COMMD8: variants seen among roughly 807,000 people sequenced by gnomAD.
COMMD8 encodes COMM domain-containing protein 8.
COMMD8 carries 28 observed loss-of-function variants against 27.2 expected under a neutral mutation model. That is an observed-to-expected ratio of 1.03 (90% confidence interval 0.76 to 1.41). The LOEUF is 1.41. COMMD8 is among the 40% of genes most tolerant of loss of function. COMMD8 has a pLI of 0.00. For missense variants in COMMD8, 217 were observed against 211.2 expected, an observed-to-expected ratio of 1.03 and a Z score of -0.17; for synonymous variants, 79 against 75.5, an observed-to-expected ratio of 1.05 and a Z score of -0.24.
In COMMD8 at chr4:47,460,170, C is replaced by T. The variant is rs775597717; in HGVS notation, c.196G>A (p.Val66Ile). ...EDIAKFFKAI[V>I]GKNLPDEEIF... Reference sequence around the variant, plus strand: ...TCTTCATCAGGTAAGTTTTTACCAACTATGGCTTTGAAAAATTTGGCAATA... The same window carrying T: ...TCTTCATCAGGTAAGTTTTTACCAATTATGGCTTTGAAAAATTTGGCAATA... The change falls in exon 2 of 5, where the codon GTT becomes ATT. Residue 66 changes from valine (V) to isoleucine (I), a missense_variant. By Grantham distance (29) the Val-to-Ile change is conservative (BLOSUM62 3). Coordinates refer to ENST00000381571, the MANE Select transcript of COMMD8 (RefSeq NM_017845.5). 6.2e-7 allele frequency: 1 copy of T among 1,613,582 alleles called. No individual in the cohort carries two copies. Among genetic ancestry groups the T allele is most frequent in the South Asian group, 1.1e-5 (1 of 91,034 alleles).
rs561192575 is a variant in COMMD8, at chr4:47,463,252, T to C, written c.66+334A>G. ...AGCTCTGTACCTGCTGTCCGGTAGG[T>C]AGGGAGCCTTTGGGAGGTTATGTGT... On this transcript the variant is annotated intron_variant, in intron 1 of 4. Transcript: ENST00000381571. 1.1e-4 allele frequency among the ~76,000 whole-genome samples: 16 copies of C among 152,296 alleles called. No individual in the cohort carries two copies. The South Asian group carries it at 3.1e-3, about 30-fold the overall frequency.
At chr4:47,455,956 T>C (rs891621071) in intron 3 of COMMD8, among the ~76,000 whole-genome samples, 1 of 152,072 alleles carries the variant, frequency 6.6e-6, no homozygotes, top group Non-Finnish European at 1.5e-5. Flanking sequence ...TGGTCAAAAA[T>C]ATATATTGAC....
Position 47,451,657 on chromosome 4 carries a change from C to G in COMMD8, c.540G>C (p.Leu180=). ...TCATCATTTCCAGTTATTTCAACTG[C>G]AGGACCACCTTAAAACACAAATTGA... ...QSLEAANKVV[L]QLK is the part of the protein sequence containing the mutation. The change falls in exon 5 of 5, where the codon CTG becomes CTC. Residue 180 remains leucine, a synonymous_variant. Transcript: ENST00000381571. 6.3e-7 allele frequency: 1 copy of G among 1,581,866 alleles called. No individual in the cohort carries two copies. Among genetic ancestry groups the G allele is most frequent in the Non-Finnish European group, 8.6e-7 (1 of 1,168,038 alleles).
intron 4 of COMMD8, among the ~76,000 whole-genome samples, chr4:47,452,240 T>C (rs920001492): frequency 1.3e-5 from 2 of 152,250 alleles, no homozygotes; most frequent in African/African-American, 2.4e-5. Flanking sequence ...AGCCACTCCA[T>C]TGTAAATGTG....
In COMMD8 at chr4:47,451,606, G is replaced by C. The variant is rs779089066; in HGVS notation, c.*39C>G. On this transcript the variant is annotated 3_prime_UTR_variant, in exon 5 of 5. Transcript: ENST00000381571. ...TATTCACTCTGCCATATAAGTTGGA[G>C]CAATAAAATCTGATAGGACTGGTAT... 1 of 1,551,038 alleles carries C rather than the reference G, an allele frequency of 6.4e-7. No individual in the cohort carries two copies. Among genetic ancestry groups the C allele is most frequent in the Non-Finnish European group, 8.9e-7 (1 of 1,129,844 alleles).
intron 4 of COMMD8, 54 bp downstream of exon 4, chr4:47,453,005 A>G (rs757460706): frequency 1.5e-5 from 23 of 1,509,272 alleles, no homozygotes; most frequent in Non-Finnish European, 2.1e-5. Flanking sequence ...GCAAACAAAA[A>G]AAAACCCCAA....
In COMMD8 at chr4:47,456,611, G is replaced by A; in HGVS notation, c.341C>T (p.Ser114Phe). The change falls in exon 3 of 5, where the codon TCT (serine) becomes TTT (phenylalanine). Residue 114 changes from serine (S) to phenylalanine (F), a missense_variant. Ser to Phe is a radical substitution (Grantham distance 155, BLOSUM62 -2). Coordinates refer to ENST00000381571, the MANE Select transcript of COMMD8 (RefSeq NM_017845.5). ...ALSREIVAIS[S>F]AQLQDFDWQV... is the part of the protein sequence containing the mutation. ...CCAATCAAAATCCTGTAGCTGTGCA[G>A]AGGAAATAGCAACTATTTCTCTTGA... 1.9e-6 allele frequency: 3 copies of A among 1,609,342 alleles called. No individual in the cohort carries two copies. Among genetic ancestry groups the A allele is most frequent in the Non-Finnish European group, 2.5e-6 (3 of 1,178,204 alleles).
At chr4:47,455,939 A>T (rs935700685) in intron 3 of COMMD8, among the ~76,000 whole-genome samples, 1 of 152,152 alleles carries the variant, frequency 6.6e-6, no homozygotes, top group East Asian at 1.9e-4. Flanking sequence ...TAAAGTCTAG[A>T]AAGTTGTGGT....
intron 2 of COMMD8, among the ~76,000 whole-genome samples, chr4:47,457,150 C>A (rs991260282): frequency 2.0e-5 from 3 of 152,094 alleles, no homozygotes; most frequent in African/African-American, 7.2e-5. Flanking sequence ...TCAAAAAAAT[C>A]CGAAATCCAA....
intron 2 of COMMD8, among the ~76,000 whole-genome samples, chr4:47,458,734 G>A (rs1729951203): frequency 6.6e-6 from 1 of 151,982 alleles, no homozygotes; most frequent in Admixed American, 6.5e-5. Context: ...TGAGAATGAA[G>A]GTCTTCTATT....
In COMMD8 at chr4:47,460,268, C is replaced by T. The variant is rs778163407; in HGVS notation, c.98G>A (p.Gly33Asp). The T allele has an allele frequency of 1.2e-6, 2 of 1,610,074 alleles. No individual in the cohort carries two copies. The highest frequency in any genetic ancestry group is 2.7e-5 in the African/African-American group (2 of 74,770). The change falls in exon 2 of 5, where the codon GGT becomes GAT. Residue 33 changes from glycine to aspartate, a missense_variant. Transcript: ENST00000381571. ...LLHKIIDGIC[G>D]RAYPVYQDYH... ...ATCTTGGTACACAGGATAAGCTCGA[C>T]CACAAATGCCATCAATTATTTTGTG...
chr4:47,456,876 T>TA (rs1729908713), intron 2 of COMMD8, 147 bp from the exon 3 acceptor site: 1 of 593,476 alleles, frequency 1.7e-6, no homozygotes, highest in South Asian at 2.7e-5. Flanking sequence ...TGAGAATGAA[T>TA]AACCAGAAAA....
Position 47,456,576 on chromosome 4 carries a change from C to G in COMMD8, c.375+1G>C. On this transcript the variant is annotated splice_donor_variant, in intron 3 of 4. Coordinates refer to ENST00000381571, the MANE Select transcript of COMMD8 (RefSeq NM_017845.5). LOFTEE classifies it high-confidence loss of function. ...AAATACACATACTCATAGACTCTTACCTTTACCTGCCAATCAAAATCCTGT... is the reference window on the plus strand; with the variant it reads ...AAATACACATACTCATAGACTCTTAGCTTTACCTGCCAATCAAAATCCTGT... 6.2e-7 allele frequency: 1 copy of G among 1,602,794 alleles called. No individual in the cohort carries two copies. Among genetic ancestry groups the G allele is most frequent in the Non-Finnish European group, 8.5e-7 (1 of 1,175,628 alleles).
At chr4:47,456,352 C>T (rs1343582190) in intron 3 of COMMD8, among the ~76,000 whole-genome samples, 2 of 141,676 alleles carry the variant, frequency 1.4e-5, no homozygotes, top group South Asian at 2.2e-4. Flanking sequence ...TAATAATTTA[C>T]AGATCTAATT....
intron 2 of COMMD8, among the ~76,000 whole-genome samples, chr4:47,459,303 T>C (rs1729962492): frequency 6.6e-6 from 1 of 152,108 alleles, no homozygotes; most frequent in South Asian, 2.1e-4. Context: ...ATACATAACT[T>C]GATTTTTAGA....
At chr4:47,455,040 G>A (rs1729853039) in intron 3 of COMMD8, among the ~76,000 whole-genome samples, 1 of 151,758 alleles carries the variant, frequency 6.6e-6, no homozygotes, top group Non-Finnish European at 1.5e-5. Flanking sequence ...AGACAGAGTT[G>A]TGCTCTGGTG....
intron 3 of COMMD8, 45 bp downstream of exon 3, chr4:47,456,532 A>G (rs746532537): frequency 2.2e-6 from 3 of 1,393,942 alleles, no homozygotes; most frequent in Non-Finnish European, 2.9e-6. Context: ...ATTTCTCTAT[A>G]TCCAAAAAAT....
chr4:47,450,907 T>C lies in COMMD8; in HGVS notation c.*738A>G, dbSNP rs1729735317. 6.6e-6 allele frequency: 1 copy of C among 152,248 alleles called. No homozygotes were observed. Among genetic ancestry groups the C allele is most frequent in the South Asian group, 2.1e-4 (1 of 4,840 alleles). The allele number at this position is 152,248 out of a possible 1,614,324, so 9.4% of individuals were successfully genotyped here. ...GAGTTTATTAACAAAAGTGGATGTG[T>C]ACATAGTCTTATCTCATATTTGAAT... On this transcript the variant is annotated 3_prime_UTR_variant, in exon 5 of 5. Coordinates refer to ENST00000381571, the MANE Select transcript of COMMD8 (RefSeq NM_017845.5).
At chr4:47,461,421 A>G (rs1439343540) in intron 1 of COMMD8, among the ~76,000 whole-genome samples, 2 of 152,148 alleles carry the variant, frequency 1.3e-5, no homozygotes, top group Non-Finnish European at 2.9e-5. Flanking sequence ...GGTGGCTAAT[A>G]TACTATACAA....
Sources: allele counts gnomAD v4.1 joint callset (sites outside exome capture counted in the v4.1 genomes callset), GRCh38; gene constraint gnomAD v4.1.1; transcripts MANE v1.5; gene names NCBI Gene and HGNC (gene_info 2026-07-23, HGNC 2026-07-21).